Variants in AMZ2 observed in about 807,000 individuals in gnomAD.
AMZ2 encodes archaelysin family metallopeptidase 2.
A neutral mutation model predicts 36.7 loss-of-function variants in AMZ2; 26 were observed. That is an observed-to-expected ratio of 0.71 (90% CI 0.52 to 0.98). AMZ2 has a LOEUF of 0.98. Among genes scored for constraint, AMZ2 ranks in the 50% least tolerant of loss-of-function variants. The pLI is 0.00. For missense variants in AMZ2, 394 were observed against 430.5 expected (o/e 0.92, Z 0.75); for synonymous variants, 144 against 149.1 (o/e 0.97, Z 0.25).
chr17:68,223,899 T>TTTA lies in AMZ2; in HGVS notation c.-67+17663_-67+17664insATT, dbSNP rs1568350648. Reference sequence around the variant, plus strand: ...CCCAGCTAATTTATATATATATATATTTTTTTTTGAAACGGAGTCTCGCTC... The same window carrying TTTA: ...CCCAGCTAATTTATATATATATATATTTATTTTTTTTGAAACGGAGTCTCGCTC... On this transcript the variant is annotated intron_variant, in intron 1 of 7. Coordinates refer to the AMZ2 transcript ENST00000674770. 4.4e-3 allele frequency among the ~76,000 whole-genome samples: 455 copies of TTTA among 103,936 alleles called. 4 individuals carry two copies. Among genetic ancestry groups the TTTA allele is most frequent in the African/African-American group, 0.019 (436 of 23,100 alleles). 68.2% of individuals were successfully genotyped at this position (103,936 alleles called of 152,430 possible).
intron 4 of AMZ2, among the ~76,000 whole-genome samples, chr17:68,254,049 T>C (rs1599435154): frequency 6.6e-6 from 1 of 152,248 alleles, no homozygotes; most frequent in Admixed American, 6.5e-5. Flanking sequence ...CCAACCCATG[T>C]GGTTATTTTT....
At chr17:68,251,312 A>T in intron 4 of AMZ2, 134 bp downstream of exon 4, 1 of 989,686 alleles carries the variant, frequency 1.0e-6, no homozygotes, top group Non-Finnish European at 1.5e-6. Flanking sequence ...ATTATGCCAT[A>T]ATGGGAAGTG....
At chr17:68,228,686 T>C (rs1364825766) in intron 1 of AMZ2, among the ~76,000 whole-genome samples, 1 of 152,274 alleles carries the variant, frequency 6.6e-6, no homozygotes, top group African/African-American at 2.4e-5. Context: ...CAAGCATTTA[T>C]TGAGCATCTA....
upstream of AMZ2, among the ~76,000 whole-genome samples, chr17:68,243,126 T>A (rs143524248): frequency 1.3e-5 from 2 of 150,412 alleles, no homozygotes; most frequent in African/African-American, 2.4e-5. Flanking sequence ...TAGGTCACTA[T>A]TGTCTTTGAG....
chr17:68,244,313 G>A (rs2073959178), upstream of AMZ2, among the ~76,000 whole-genome samples: 1 of 152,148 alleles, frequency 6.6e-6, no homozygotes, highest in African/African-American at 2.4e-5. Context: ...TTTGGAGACA[G>A]TCTTGCTCTG....
chr17:68,251,659 C>T (rs748259418), intron 4 of AMZ2, among the ~76,000 whole-genome samples: 10 of 151,170 alleles, frequency 6.6e-5, no homozygotes, highest in Admixed American at 2.0e-4. Context: ...AAAGTGAGAC[C>T]GTGTCTCAAA....
At chr17:68,240,356 A>AAATAAAAT in intron 1 of AMZ2, among the ~76,000 whole-genome samples, 1 of 152,240 alleles carries the variant, frequency 6.6e-6, no homozygotes, top group Non-Finnish European at 1.5e-5. Context: ...GCAGGGTGCA[A>AAATAAAAT]AATAAAATAA....
At chr17:68,220,363 C>G (rs1285686744) in intron 1 of AMZ2, among the ~76,000 whole-genome samples, 1 of 152,062 alleles carries the variant, frequency 6.6e-6, no homozygotes, top group South Asian at 2.1e-4. Flanking sequence ...GCATTGATCT[C>G]GGTCATCACA....
chr17:68,243,227 C>T (rs184645369), upstream of AMZ2, among the ~76,000 whole-genome samples: 68 of 152,084 alleles, frequency 4.5e-4, no homozygotes, highest in African/African-American at 1.3e-3. Context: ...CTCCGTCTCC[C>T]GGGTTCAAGC....
At chr17:68,212,287 G>A (rs556632914) in intron 1 of AMZ2, among the ~76,000 whole-genome samples, 18 of 152,310 alleles carry the variant, frequency 1.2e-4, no homozygotes, top group Admixed American at 5.9e-4. Context: ...CAAGAGGATT[G>A]CTTGAGCCCA....
intron 1 of AMZ2, among the ~76,000 whole-genome samples, chr17:68,221,202 C>G (rs1219496073): frequency 1.4e-5 from 1 of 73,150 alleles, no homozygotes; most frequent in African/African-American, 5.2e-5. Flanking sequence ...CTGCCTCAGC[C>G]CTCAGCTCCC....
At chr17:68,209,581 G>GTGTGT in intron 1 of AMZ2, among the ~76,000 whole-genome samples, 1 of 106,958 alleles carries the variant, frequency 9.3e-6, no homozygotes, top group African/African-American at 3.8e-5. Context: ...AATAATTGTG[G>GTGTGT]GTGTGTGTGT....
intron 1 of AMZ2, among the ~76,000 whole-genome samples, chr17:68,218,016 G>T (rs1204757601): frequency 6.6e-6 from 1 of 152,050 alleles, no homozygotes; most frequent in Non-Finnish European, 1.5e-5. Flanking sequence ...ATTTCACCAT[G>T]TTAGCCAGGA....
In AMZ2 at chr17:68,251,129, C is replaced by T. The variant is rs2074433019; in HGVS notation, c.537C>T (p.Tyr179=). The T allele has an allele frequency of 6.2e-7, 1 of 1,613,634 alleles. No individual in the cohort carries two copies. The highest frequency in any genetic ancestry group is 8.5e-7 in the Non-Finnish European group (1 of 1,179,920). ...CVVGITMIDL[Y]PRDSWNFVFG... ...TGGGAATAACAATGATTGATCTTTA[C>T]CCAAGAGACTCGTGGAATTTTGTCT... Residue 179 remains tyrosine (Y), a synonymous_variant, in exon 4 of 7, where the codon TAC becomes TAT. Coordinates refer to ENST00000359904, the MANE Select transcript of AMZ2 (RefSeq NM_016627.5).
At chr17:68,210,743 T>A (rs1407249111) in intron 1 of AMZ2, among the ~76,000 whole-genome samples, 1 of 151,000 alleles carries the variant, frequency 6.6e-6, no homozygotes, top group Non-Finnish European at 1.5e-5. Flanking sequence ...AGTCCAGGAG[T>A]TCAAGATCAG....
At chr17:68,233,849 GTAGC>G (rs1250754152) in intron 1 of AMZ2, among the ~76,000 whole-genome samples, 2 of 152,054 alleles carry the variant, frequency 1.3e-5, no homozygotes, top group African/African-American at 4.8e-5. Context: ...AGCCTCCTGA[GTAGC>G]TAGGACCACA....
intron 1 of AMZ2, among the ~76,000 whole-genome samples, chr17:68,209,621 TATATATATA>T (rs1278333801): frequency 2.0e-5 from 2 of 99,550 alleles, no homozygotes; most frequent in African/African-American, 4.5e-5. Context: ...TATATATATA[TATATATATA>T]TATTTTTTTT....
chr17:68,214,716 G>T (rs1232866794), intron 1 of AMZ2, among the ~76,000 whole-genome samples: 8 of 151,550 alleles, frequency 5.3e-5, no homozygotes, highest in African/African-American at 1.9e-4. Context: ...GTAATCACTT[G>T]TTCATCTACT....
At chr17:68,240,958 A>G (rs1258117633) in intron 1 of AMZ2, among the ~76,000 whole-genome samples, 4 of 152,222 alleles carry the variant, frequency 2.6e-5, no homozygotes, top group African/African-American at 9.6e-5. Flanking sequence ...TTTATTCCAG[A>G]AGGTTCTGGG....
Sources: gnomAD v4.1 joint callset for allele counts (sites outside exome capture counted in the v4.1 genomes callset) on GRCh38, gnomAD v4.1.1 for gene constraint, MANE v1.5 for transcripts, NCBI Gene and HGNC (gene_info 2026-07-23, HGNC 2026-07-21) for gene names.